Variants in TPH1 observed in about 807,000 individuals in gnomAD.
TPH1 encodes the protein tryptophan 5-hydroxylase 1.
A neutral mutation model predicts 49.5 loss-of-function variants in TPH1; 37 were observed. The ratio of observed to expected loss-of-function variants is 0.75; its 90% CI spans 0.58 to 0.98. TPH1 has a LOEUF of 0.98. TPH1 is among the 50% of genes least tolerant of loss of function. TPH1 has a pLI of 0.00. For missense variants in TPH1, 487 were observed against 523.6 expected (o/e 0.93, Z 0.68); for synonymous variants, 160 against 182.1 (o/e 0.88, Z 0.98).
chr11:18,023,119 CT>C (rs1018441992), intron 9 of TPH1, 188 bp from the exon 10 acceptor site: 2 of 589,484 alleles, frequency 3.4e-6, no homozygotes, highest in African/African-American at 3.7e-5. Context: ...TTGCCCTTCC[CT>C]GTAAATACCC....
At chr11:18,029,702 G>A (rs535139848) in intron 4 of TPH1, 123 bp from the exon 5 acceptor site, 23 of 763,572 alleles carry the variant, frequency 3.0e-5, no homozygotes, top group South Asian at 2.0e-4. Context: ...GATACTATGA[G>A]CAAGCATTAT....
Position 18,026,589 on chromosome 11 carries a change from T to G in TPH1, c.704A>C (p.Tyr235Ser). 1 of 1,613,922 alleles carries G rather than the reference T, an allele frequency of 6.2e-7. No homozygotes were observed. Among genetic ancestry groups the G allele is most frequent in the Non-Finnish European group, 8.5e-7 (1 of 1,179,964 alleles). Residue 235 changes from tyrosine to serine, a missense_variant, in exon 7 of 11, where the codon TAC becomes TCC. Physicochemically the swap from Tyr to Ser is moderately radical, Grantham distance 144. Transcript: ENST00000682019. ...TGFSIRPVAG[Y>S]LSPRDFLSGL... is the part of the protein sequence containing the mutation. ...TGATAAGAAATCTCTTGGTGATAAG[T>G]AACCAGCCACAGGACGGATGGAAAA... is the stretch of plus-strand genomic sequence containing the variant.
intron 1 of TPH1, 168 bp from the exon 2 acceptor site, chr11:18,040,956 T>C: frequency 3.5e-6 from 2 of 567,904 alleles, no homozygotes; most frequent in South Asian, 2.0e-5. Flanking sequence ...CAAAATAAGA[T>C]ACAACTTTGC....
intron 2 of TPH1, among the ~76,000 whole-genome samples, chr11:18,037,268 G>A (rs1256691424): frequency 1.3e-5 from 2 of 152,030 alleles, no homozygotes; most frequent in African/African-American, 2.4e-5. Flanking sequence ...TGAGGTGGGA[G>A]GGTCACTTGA....
intron 4 of TPH1, among the ~76,000 whole-genome samples, chr11:18,032,911 A>G (rs1002525668): frequency 6.6e-6 from 1 of 152,194 alleles, no homozygotes; most frequent in African/African-American, 2.4e-5. Flanking sequence ...TCTCTAAAAA[A>G]GTTGCCCTTA....
intron 2 of TPH1, among the ~76,000 whole-genome samples, chr11:18,037,219 G>A (rs1276702923): frequency 2.0e-5 from 3 of 152,074 alleles, no homozygotes; most frequent in Admixed American, 6.6e-5. Context: ...TTAGCCAGGC[G>A]TAGTGGCGCA....
intron 4 of TPH1, among the ~76,000 whole-genome samples, chr11:18,032,508 T>C (rs1848000356): frequency 6.7e-6 from 1 of 150,152 alleles, no homozygotes; most frequent in Non-Finnish European, 1.5e-5. Context: ...ATTCCACCAA[T>C]ATGGAGGTCT....
intron 6 of TPH1, among the ~76,000 whole-genome samples, chr11:18,026,855 A>G (rs1157064817): frequency 6.6e-6 from 1 of 152,148 alleles, no homozygotes; most frequent in East Asian, 1.9e-4. Context: ...AGCATGACTT[A>G]AGGATGTTTC....
In TPH1 at chr11:18,020,998, C is replaced by T. The variant is rs1267083031; in HGVS notation, c.1328G>A (p.Ser443Asn). 6.2e-7 allele frequency: 1 copy of T among 1,613,850 alleles called. No individual in the cohort carries two copies. Among genetic ancestry groups the T allele is most frequent in the Admixed American group, 1.7e-5 (1 of 60,000 alleles). The change falls in exon 11 of 11, where the codon AGT becomes AAT. Residue 443 changes from serine to asparagine, a missense_variant. Coordinates refer to ENST00000682019, the MANE Select transcript of TPH1 (RefSeq NM_004179.3). ...CTGGATGACTGGCTACTGTTAGATA[C>T]TCGGCTTCCTGCTGACCTTAGCAAG... Reference protein sequence around the residue: ...DALAKVSRKPSI With the variant: ...DALAKVSRKPNI
At chr11:18,030,859 A>G (rs535800527) in intron 4 of TPH1, among the ~76,000 whole-genome samples, 16 of 152,318 alleles carry the variant, frequency 1.1e-4, no homozygotes, top group African/African-American at 3.6e-4. Flanking sequence ...AAACTTGGAG[A>G]GTAAGGCAGA....
intron 5 of TPH1, 66 bp from the exon 6 acceptor site, chr11:18,029,427 T>C: frequency 1.9e-6 from 3 of 1,563,746 alleles, no homozygotes; most frequent in Non-Finnish European, 2.6e-6. Context: ...CTTATTTCAC[T>C]TTCTACTTAC....
At chr11:18,035,892 A>G in intron 3 of TPH1, 67 bp downstream of exon 3, 2 of 1,327,368 alleles carry the variant, frequency 1.5e-6, no homozygotes, top group Non-Finnish European at 2.2e-6. Flanking sequence ...TCTTCAAGAT[A>G]AATATAAGGC....
chr11:18,044,186 G>A (rs1848121006), intron 1 of TPH1, among the ~76,000 whole-genome samples: 1 of 152,146 alleles, frequency 6.6e-6, no homozygotes, highest in East Asian at 1.9e-4. Flanking sequence ...CACTTTAGGA[G>A]GCCGAGGCGG....
rs923350377 is a variant in TPH1 at position 18,020,868 on chromosome 11, G to A, written c.*123C>T. 3.4e-6 allele frequency: 3 copies of A among 888,200 alleles called. No individual in the cohort carries two copies. Among genetic ancestry groups the A allele is most frequent in the Non-Finnish European group, 3.8e-6 (2 of 532,956 alleles). 55.0% of individuals were successfully genotyped at this position (888,200 alleles called of 1,614,324 possible). A position where few individuals can be genotyped will look rare whatever the true frequency, so the allele number is the denominator to read the frequency against. ...AAAGACTAGTGATTCCTTAAGTAGT[G>A]GAATTCGATAATATTGTTTGGCCAG... On this transcript the variant is annotated 3_prime_UTR_variant, in exon 11 of 11. Coordinates refer to ENST00000682019, the MANE Select transcript of TPH1 (RefSeq NM_004179.3).
chr11:18,042,816 T>C (rs1848110315), intron 1 of TPH1, among the ~76,000 whole-genome samples: 1 of 152,222 alleles, frequency 6.6e-6, no homozygotes. Context: ...GCCCTAGGAA[T>C]TAGGCATTTT....
intron 1 of TPH1, among the ~76,000 whole-genome samples, chr11:18,044,415 G>A (rs1848123975): frequency 6.6e-6 from 1 of 151,876 alleles, no homozygotes; most frequent in South Asian, 2.1e-4. Flanking sequence ...GAGCAAGACT[G>A]CGTCTCAAAA....
At chr11:18,032,537 C>CTTTTTTT (rs34366393) in intron 4 of TPH1, among the ~76,000 whole-genome samples, 1 of 86,304 alleles carries the variant, frequency 1.2e-5, no homozygotes, top group East Asian at 3.5e-4. Flanking sequence ...TTGTTGAAAT[C>CTTTTTTT]TTTTTTTTTT....
Position 18,023,988 on chromosome 11 carries a change from A to C in TPH1, c.931-5T>G. On this transcript the variant is annotated splice_region_variant and splice_polypyrimidine_tract_variant and intron_variant, in intron 8 of 10. Transcript: ENST00000682019. ...CTCCACAGTGAAAAAGTAGCACTGC[A>C]AAAGAACATCAATATTATTCTCACA... 2 of 1,595,714 alleles carry C rather than the reference A, an allele frequency of 1.3e-6. No homozygotes were observed. The highest frequency in any genetic ancestry group is 1.7e-6 in the Non-Finnish European group (2 of 1,163,832).
At chr11:18,032,037 G>A (rs141776086) in intron 4 of TPH1, among the ~76,000 whole-genome samples, 1 of 152,194 alleles carries the variant, frequency 6.6e-6, no homozygotes, top group African/African-American at 2.4e-5. Context: ...TATTCAATAA[G>A]ATTATAGAAT....
Sources: gnomAD v4.1 joint callset for allele counts (sites outside exome capture counted in the v4.1 genomes callset) on GRCh38, gnomAD v4.1.1 for gene constraint, MANE v1.5 for transcripts, NCBI Gene and HGNC (gene_info 2026-07-23, HGNC 2026-07-21) for gene names.